The following PTPRN2 variants were observed in gnomAD, a reference collection of about 807,000 sequenced individuals.
The protein encoded by PTPRN2 is receptor-type tyrosine-protein phosphatase N2.
In PTPRN2, 74 loss-of-function variants were observed where a neutral mutation model predicts 118.8. The ratio of observed to expected loss-of-function variants is 0.62; its 90% CI spans 0.52 to 0.76. The LOEUF is 0.76. Ranked by LOEUF, PTPRN2 falls within the 30% of genes least tolerant of loss-of-function variation. The probability of loss-of-function intolerance (pLI) is 0.00; values close to 1 mark genes in which losing one functional copy is unlikely to be tolerated. For synonymous variants in PTPRN2, 641 were observed against 608.0 expected, an observed-to-expected ratio of 1.05 and a Z score of -0.80; for missense variants, 1,481 against 1,394.4, an observed-to-expected ratio of 1.06 and a Z score of -0.99.
intron 12 of PTPRN2, among the ~76,000 whole-genome samples, chr7:157,719,642 C>T (rs1799124450): frequency 6.6e-6 from 1 of 152,232 alleles, no homozygotes; most frequent in Non-Finnish European, 1.5e-5. Context: ...GAGAGCAGGG[C>T]CAGACCATCA....
At chr7:158,008,634 C>G (rs142196230) in intron 11 of PTPRN2, among the ~76,000 whole-genome samples, 443 of 152,350 alleles carry the variant, frequency 2.9e-3, no homozygotes, top group African/African-American at 0.01. Context: ...CAGCCTGCCC[C>G]CCACCAGCAG....
chr7:157,852,671 C>T (rs112101655), intron 12 of PTPRN2, among the ~76,000 whole-genome samples: 4,411 of 152,074 alleles, frequency 0.029, 86 homozygotes, highest in South Asian at 0.11. Context: ...GATGCTGAGA[C>T]CATCCTGGCC....
At chr7:158,061,500 C>T (rs574468317) in intron 11 of PTPRN2, among the ~76,000 whole-genome samples, 76 of 152,326 alleles carry the variant, frequency 5.0e-4, no homozygotes, top group African/African-American at 1.7e-3. Context: ...GGCGCTGAAC[C>T]ATCATTGAGG....
rs1168492250 is a variant in PTPRN2 at position 157,982,244 on chromosome 7, T to TC, written c.1724-83508dup. Among the ~76,000 whole-genome samples, 10 of 75,986 alleles carry TC rather than the reference T, an allele frequency of 1.3e-4. No individual in the cohort carries two copies. In the East Asian group the frequency reaches 2.7e-3, roughly 21 times the overall value. 49.8% of individuals were successfully genotyped at this position (75,986 alleles called of 152,430 possible). A position where few individuals can be genotyped will look rare whatever the true frequency, so the allele number is the denominator to read the frequency against. ...GAGGAGGGGAATGCAGAGTGCGGGG[T>TC]CCCCCCAAACCCCGAGTCATAGAGC... On this transcript the variant is annotated intron_variant, in intron 11 of 22. Coordinates refer to ENST00000389418, the MANE Select transcript of PTPRN2 (RefSeq NM_002847.5).
chr7:157,574,925 A>G (rs1205581231), intron 19 of PTPRN2, among the ~76,000 whole-genome samples: 1 of 152,254 alleles, frequency 6.6e-6, no homozygotes, highest in Admixed American at 6.5e-5. Context: ...GGCAGGCAAG[A>G]AAAGCTTTCT....
chr7:158,107,387 C>A (rs1234954790), intron 10 of PTPRN2, among the ~76,000 whole-genome samples: 1 of 152,138 alleles, frequency 6.6e-6, no homozygotes, highest in African/African-American at 2.4e-5. Context: ...TTTCCAGTAC[C>A]CTCAGTCACA....
At chr7:157,793,181 C>T (rs1003046472) in intron 12 of PTPRN2, among the ~76,000 whole-genome samples, 2 of 151,490 alleles carry the variant, frequency 1.3e-5, no homozygotes, top group Non-Finnish European at 2.9e-5. Flanking sequence ...CAGGCACAGG[C>T]ACCCAGCCGA....
chr7:158,348,766 G>A (rs1205608181), intron 2 of PTPRN2, among the ~76,000 whole-genome samples: 1 of 152,184 alleles, frequency 6.6e-6, no homozygotes, highest in Admixed American at 6.5e-5. Context: ...ACAGTTCTGG[G>A]ATGCTAATCC....
intron 1 of PTPRN2, among the ~76,000 whole-genome samples, chr7:158,523,518 G>T (rs1222988416): frequency 9.8e-6 from 1 of 102,536 alleles, no homozygotes; most frequent in Non-Finnish European, 1.9e-5. Context: ...GGAGTCGTCT[G>T]CCCTGGAGCA....
At chr7:157,908,944 TAC>T (rs1183610402) in intron 11 of PTPRN2, among the ~76,000 whole-genome samples, 15 of 152,222 alleles carry the variant, frequency 9.9e-5, no homozygotes, top group African/African-American at 3.4e-4. Context: ...TGTGTGCAAT[TAC>T]AGTTGAATCA....
At chr7:157,745,989 G>A (rs1393601643) in intron 12 of PTPRN2, among the ~76,000 whole-genome samples, 4 of 142,760 alleles carry the variant, frequency 2.8e-5, no homozygotes, top group Admixed American at 1.5e-4. Context: ...GTCCTCACAG[G>A]GCCCTGAGTG....
At chr7:158,531,263 C>T (rs1009301092) in intron 1 of PTPRN2, among the ~76,000 whole-genome samples, 2 of 152,142 alleles carry the variant, frequency 1.3e-5, no homozygotes, top group African/African-American at 4.8e-5. Flanking sequence ...CCATTACCCA[C>T]GTCCCATGCT....
At chr7:157,771,859 C>T (rs375996248) in intron 12 of PTPRN2, among the ~76,000 whole-genome samples, 30 of 149,322 alleles carry the variant, frequency 2.0e-4, no homozygotes, top group Non-Finnish European at 2.8e-4. Flanking sequence ...CAGACACACA[C>T]GGAGACACAG....
chr7:157,972,995 G>A (rs1802458844), intron 11 of PTPRN2, among the ~76,000 whole-genome samples: 1 of 152,204 alleles, frequency 6.6e-6, no homozygotes, highest in African/African-American at 2.4e-5. Flanking sequence ...CACGAGAACA[G>A]GACTTCAGAG....
At chr7:158,315,291 ACCCCCTGAAGGACAGAGGTGAACCCG>A (rs1369542249) in intron 3 of PTPRN2, among the ~76,000 whole-genome samples, 9 of 96,448 alleles carry the variant, frequency 9.3e-5, no homozygotes, top group Non-Finnish European at 1.3e-4. Context: ...TGAACCCGGG[ACCCCCTGAAGGACAGAGGTGAACCCG>A]GGACCCCCTG....
At position 157,595,264 on chromosome 7, in the gene PTPRN2, G is replaced by C. The variant is rs750506325; in HGVS notation, c.2470C>G (p.Pro824Ala). 6.2e-7 allele frequency: 1 copy of C among 1,614,214 alleles called. No individual in the cohort carries two copies. Among genetic ancestry groups the C allele is most frequent in the Non-Finnish European group, 8.5e-7 (1 of 1,180,042 alleles). The change falls in exon 17 of 23, where the codon CCC becomes GCC. Residue 824 changes from proline to alanine, a missense_variant. By Grantham distance (27) the Pro-to-Ala change is conservative (BLOSUM62 -1). This residue lies in a region of PTPRN2 where 362 missense variants were observed against 384.1 expected (regional missense o/e 0.94). Coordinates refer to ENST00000389418, the MANE Select transcript of PTPRN2 (RefSeq NM_002847.5). ...TGCCAAAAGTCAGCCACGGTGGCGG[G>C]CAGCGGTCCCTGGGTGGCGATGTAC... ...PAYIATQGPL[P>A]ATVADFWQMV...
rs920295945 is a variant in PTPRN2, at chr7:157,929,265, C to T, written c.1724-30528G>A. ...GCCCCTCTTCCCCAGTACGCCGTGG[C>T]AGCCTGCCATCCGCTCTCTGCTCCT... On this transcript the variant is annotated intron_variant, in intron 11 of 22. Coordinates refer to ENST00000389418, the MANE Select transcript of PTPRN2 (RefSeq NM_002847.5). The surrounding 1 kb of genome is among the most constrained non-coding windows in gnomAD (Gnocchi z 4.4). Among the ~76,000 whole-genome samples, 1 of 152,158 alleles carries T rather than the reference C, an allele frequency of 6.6e-6. No homozygotes were observed. The highest frequency in any genetic ancestry group is 1.5e-5 in the Non-Finnish European group (1 of 68,022).
rs13310368 is a variant in PTPRN2 at position 158,522,225 on chromosome 7, G to C, written c.113-32440C>G. On this transcript the variant is annotated intron_variant, in intron 1 of 22. Transcript: ENST00000389418. ...GTCACAATGGTGGACTGTCCAGGTA[G>C]TGGCTCAGGAGGGAGGTCCACGTCA... is the stretch of plus-strand genomic sequence containing the variant. Among the ~76,000 whole-genome samples, 215 of 28,654 alleles carry C rather than the reference G, an allele frequency of 7.5e-3. 4 individuals are homozygous for C. The highest frequency in any genetic ancestry group is 0.012 in the African/African-American group (67 of 5,388). 18.8% of individuals were successfully genotyped at this position (28,654 alleles called of 152,430 possible).
intron 3 of PTPRN2, among the ~76,000 whole-genome samples, chr7:158,299,440 G>A (rs1350898979): frequency 6.6e-6 from 1 of 152,008 alleles, no homozygotes; most frequent in Admixed American, 6.6e-5. Context: ...TGGGACTACA[G>A]GTGCATGCCA....
Sources: gnomAD v4.1 joint callset for allele counts (sites outside exome capture counted in the v4.1 genomes callset) on GRCh38, gnomAD v4.1.1 for gene constraint, gnomAD v4.1.1 regional missense constraint, Gnocchi (gnomAD v3.1) non-coding constraint, MANE v1.5 for transcripts, NCBI Gene and HGNC (gene_info 2026-07-23, HGNC 2026-07-21) for gene names.